The following ATXN1 variants were observed in gnomAD, a reference collection of about 807,000 sequenced individuals.
ATXN1 encodes ataxin-1.
In ATXN1, 8 loss-of-function variants were observed where a neutral mutation model predicts 56.4. The observed-to-expected ratio is 0.14, with a 90% confidence interval of 0.08 to 0.26. The LOEUF (loss-of-function observed/expected upper bound fraction) is 0.26, where lower values mean the gene tolerates loss of function less well. Among genes scored for constraint, ATXN1 ranks in the 10% least tolerant of loss-of-function variants. ATXN1 has a pLI of 1.00. For synonymous variants in ATXN1, 514 were observed against 494.6 expected, an observed-to-expected ratio of 1.04 and a Z score of -0.52; for missense variants, 987 against 1,106.5, an observed-to-expected ratio of 0.89 and a Z score of 1.53.
At chr6:16,647,784 A>C (rs1763825582) in intron 3 of ATXN1, among the ~76,000 whole-genome samples, 1 of 152,222 alleles carries the variant, frequency 6.6e-6, no homozygotes, top group African/African-American at 2.4e-5. Context: ...ATGCTGGAAA[A>C]ATAAAATAAG....
intron 6 of ATXN1, among the ~76,000 whole-genome samples, chr6:16,478,687 C>T (rs1393436541): frequency 6.6e-6 from 1 of 152,086 alleles, no homozygotes; most frequent in Non-Finnish European, 1.5e-5. Flanking sequence ...TTAAGACTGC[C>T]TATCAAAGTC....
chr6:16,407,259 A>AC (rs1187709890), intron 6 of ATXN1, among the ~76,000 whole-genome samples: 3 of 152,258 alleles, frequency 2.0e-5, no homozygotes, highest in Non-Finnish European at 4.4e-5. Flanking sequence ...TGTTAATGAA[A>AC]CAAATACATT....
At chr6:16,742,808 G>C (rs1353325548) in intron 2 of ATXN1, among the ~76,000 whole-genome samples, 1 of 152,198 alleles carries the variant, frequency 6.6e-6, no homozygotes, top group African/African-American at 2.4e-5. Flanking sequence ...GTTTGCAGAA[G>C]AAGGTTTCAT....
intron 4 of ATXN1, among the ~76,000 whole-genome samples, chr6:16,531,867 A>T (rs914848459): frequency 2.0e-5 from 3 of 152,244 alleles, no homozygotes; most frequent in Admixed American, 2.0e-4. Context: ...TATTGTTTTC[A>T]AAGTGAATAG....
At chr6:16,756,591 C>G (rs1409449911) in intron 1 of ATXN1, among the ~76,000 whole-genome samples, 1 of 152,166 alleles carries the variant, frequency 6.6e-6, no homozygotes, top group Non-Finnish European at 1.5e-5. Flanking sequence ...ATCTAAATCT[C>G]TCACAGAAAC....
Position 16,326,629 on chromosome 6 carries a change from G to T in ATXN1, c.1682C>A (p.Ala561Asp). 6.2e-7 allele frequency: 1 copy of T among 1,613,924 alleles called. No homozygotes were observed. The highest frequency in any genetic ancestry group is 8.5e-7 in the Non-Finnish European group (1 of 1,180,026). ...CGTAGGGGGAGCCGCCGCCGGGGAGGCCACGGACTGCACCACAGGCAGGTG... is the reference window on the plus strand; with the variant it reads ...CGTAGGGGGAGCCGCCGCCGGGGAGTCCACGGACTGCACCACAGGCAGGTG... ...QIHLPVVQSV[A>D]SPAAAPPTLP... The change falls in exon 7 of 8, where the codon GCC (alanine) becomes GAC (aspartate). Residue 561 changes from alanine to aspartate, a missense_variant. By Grantham distance (126) the Ala-to-Asp change is moderately radical. Coordinates refer to ENST00000436367, the MANE Select transcript of ATXN1 (RefSeq NM_001128164.2). This position sits in a 1 kb window ranked among gnomAD's most constrained non-coding sequence, Gnocchi z 6.6.
At chr6:16,377,758 G>C (rs759477121) in intron 6 of ATXN1, among the ~76,000 whole-genome samples, 1 of 152,228 alleles carries the variant, frequency 6.6e-6, no homozygotes, top group Non-Finnish European at 1.5e-5. Flanking sequence ...TGAAAGATGA[G>C]CAAAGCAGTT....
chr6:16,410,759 A>T lies in ATXN1; in HGVS notation c.-161+75213T>A, dbSNP rs1244964150. On this transcript the variant is annotated intron_variant, in intron 6 of 7. Coordinates refer to ENST00000436367, the MANE Select transcript of ATXN1 (RefSeq NM_001128164.2). The surrounding 1 kb of genome is among the most constrained non-coding windows in gnomAD (Gnocchi z 4.6). ...TATACAACATCCGTGGAGCAAAGTG[A>T]ATTTGAAGTTAAGTCTCCTCTTAGT... Among the ~76,000 whole-genome samples the T allele has an allele frequency of 6.6e-6, 1 of 152,204 alleles. No individual in the cohort carries two copies. The highest frequency in any genetic ancestry group is 1.5e-5 in the Non-Finnish European group (1 of 68,048).
chr6:16,345,571 C>T (rs944052787), intron 6 of ATXN1, among the ~76,000 whole-genome samples: 1 of 152,182 alleles, frequency 6.6e-6, no homozygotes, highest in Non-Finnish European at 1.5e-5. Context: ...GGGTATGACT[C>T]ACACTCGGTG....
At chr6:16,477,268 G>C (rs957279110) in intron 6 of ATXN1, among the ~76,000 whole-genome samples, 1 of 152,206 alleles carries the variant, frequency 6.6e-6, no homozygotes, top group Non-Finnish European at 1.5e-5. Context: ...GAAGCCCCCA[G>C]CTCTGCCAAT....
chr6:16,758,547 A>C (rs1470324265), intron 1 of ATXN1, among the ~76,000 whole-genome samples: 1 of 152,246 alleles, frequency 6.6e-6, no homozygotes, highest in Non-Finnish European at 1.5e-5. Flanking sequence ...CAAATGACTG[A>C]AAGAAGATGC....
intron 6 of ATXN1, among the ~76,000 whole-genome samples, chr6:16,402,440 G>A (rs1267734914): frequency 6.5e-5 from 2 of 30,956 alleles, no homozygotes; most frequent in African/African-American, 2.5e-4. Flanking sequence ...TTTCTAATTC[G>A]TTTTTAAAAC....
intron 6 of ATXN1, among the ~76,000 whole-genome samples, chr6:16,422,867 C>T (rs1206259678): frequency 6.6e-6 from 1 of 152,184 alleles, no homozygotes; most frequent in Non-Finnish European, 1.5e-5. Context: ...GGTCTAATTT[C>T]AGTTCTTTCA....
intron 6 of ATXN1, among the ~76,000 whole-genome samples, chr6:16,389,062 C>T (rs1268599213): frequency 1.3e-5 from 2 of 152,166 alleles, no homozygotes; most frequent in South Asian, 2.1e-4. Context: ...AGTGGCCCGG[C>T]GTGGTGGCTC....
In ATXN1 at chr6:16,304,237, T is replaced by C. The variant is rs561364929; in HGVS notation, c.*2092A>G. 2 of 152,724 alleles carry C rather than the reference T, an allele frequency of 1.3e-5. No homozygotes were observed. Among genetic ancestry groups the C allele is most frequent in the Non-Finnish European group, 2.9e-5 (2 of 68,012 alleles). 9.5% of individuals were successfully genotyped at this position (152,724 alleles called of 1,614,324 possible). A position where few individuals can be genotyped will look rare whatever the true frequency, so the allele number is the denominator to read the frequency against. On this transcript the variant is annotated 3_prime_UTR_variant, in exon 8 of 8. Coordinates refer to ENST00000436367, the MANE Select transcript of ATXN1 (RefSeq NM_001128164.2). The stretch of plus-strand genomic sequence containing the variant: ...ATGGGGTAAAAGAAAAGTCAGGTAT[T>C]TGTTCAGTTTAGTTGCAGCCATCCA...
intron 6 of ATXN1, among the ~76,000 whole-genome samples, chr6:16,475,871 CTTTT>C (rs56262935): frequency 7.2e-6 from 1 of 139,180 alleles, no homozygotes. Flanking sequence ...TTAGTCATTA[CTTTT>C]TTTTTTTTTT....
At chr6:16,545,947 TA>T (rs1363792471) in intron 4 of ATXN1, among the ~76,000 whole-genome samples, 1 of 152,244 alleles carries the variant, frequency 6.6e-6, no homozygotes, top group East Asian at 1.9e-4. Context: ...ACAGCTATCG[TA>T]TTAGCTGTTA....
rs75549413 is a variant in ATXN1, at chr6:16,664,028, C to T, written c.-614-6127G>A. ...TTATTAAAGGCATGTGATGCATCAC[C>T]GAAGGTATTTTTTGCCATTTAAAAA... On this transcript the variant is annotated intron_variant, in intron 2 of 7. Transcript: ENST00000436367. 2.7e-3 allele frequency among the ~76,000 whole-genome samples: 408 copies of T among 152,220 alleles called. 1 individual carries two copies. The highest frequency in any genetic ancestry group is 9.1e-3 in the African/African-American group (377 of 41,522).
intron 6 of ATXN1, among the ~76,000 whole-genome samples, chr6:16,435,549 A>G (rs1759371811): frequency 6.6e-6 from 1 of 152,110 alleles, no homozygotes; most frequent in Admixed American, 6.6e-5. Flanking sequence ...GGGGGAGAGC[A>G]GAATTGGCAA....
Sources: allele counts gnomAD v4.1 joint callset (sites outside exome capture counted in the v4.1 genomes callset), GRCh38; gene constraint gnomAD v4.1.1; non-coding constraint Gnocchi (gnomAD v3.1); transcripts MANE v1.5; gene names NCBI Gene and HGNC (gene_info 2026-07-23, HGNC 2026-07-21).